FOXJ3: variants seen among roughly 807,000 people sequenced by gnomAD.
FOXJ3 encodes forkhead box J3, also known as forkhead box protein J3.
A neutral mutation model predicts 76.1 loss-of-function variants in FOXJ3; 22 were observed. The observed-to-expected ratio is 0.29, with a 90% confidence interval of 0.21 to 0.41. The LOEUF is 0.41. FOXJ3 is among the 10% of genes least tolerant of loss of function. FOXJ3 has a pLI of 1.00. For synonymous variants in FOXJ3, 269 were observed against 261.2 expected (o/e 1.03, Z -0.29); for missense variants, 613 against 762.1 (o/e 0.80, Z 2.30).
At chr1:42,186,290 G>A (rs932127320) in intron 11 of FOXJ3, among the ~76,000 whole-genome samples, 1 of 152,110 alleles carries the variant, frequency 6.6e-6, no homozygotes, top group African/African-American at 2.4e-5. Flanking sequence ...ATGAAGTGAT[G>A]AATACTTGGA....
chr1:42,291,075 TAGATAGATAGAC>T (rs1263910653), intron 2 of FOXJ3, among the ~76,000 whole-genome samples: 7 of 117,984 alleles, frequency 5.9e-5, no homozygotes, highest in African/African-American at 2.3e-4. Flanking sequence ...GATAGATAGA[TAGATAGATAGAC>T]AGACAGACAG....
intron 2 of FOXJ3, among the ~76,000 whole-genome samples, chr1:42,296,757 T>C (rs1653815660): frequency 6.6e-6 from 1 of 152,248 alleles, no homozygotes; most frequent in Non-Finnish European, 1.5e-5. Flanking sequence ...TCTGAATTTG[T>C]TCCTTTTGCT....
At chr1:42,210,163 T>C (rs1023703902) in intron 5 of FOXJ3, among the ~76,000 whole-genome samples, 1 of 152,106 alleles carries the variant, frequency 6.6e-6, no homozygotes, top group Admixed American at 6.5e-5. Context: ...ATTTTATGCA[T>C]CAGAGGCAGC....
intron 5 of FOXJ3, among the ~76,000 whole-genome samples, chr1:42,227,555 G>C (rs1305730271): frequency 6.6e-6 from 1 of 152,190 alleles, no homozygotes; most frequent in Non-Finnish European, 1.5e-5. Flanking sequence ...CTCTATAATA[G>C]AAGGGAATAG....
intron 8 of FOXJ3, among the ~76,000 whole-genome samples, chr1:42,193,319 T>G (rs1646586068): frequency 1.3e-5 from 2 of 151,714 alleles, no homozygotes; most frequent in Admixed American, 6.6e-5. Context: ...ATGGGGATAC[T>G]GAGGTCCAGA....
intron 4 of FOXJ3, among the ~76,000 whole-genome samples, chr1:42,249,978 G>A (rs916583888): frequency 2.6e-5 from 4 of 152,152 alleles, no homozygotes; most frequent in East Asian, 1.9e-4. Flanking sequence ...TTTAGATACC[G>A]TGTATCATAA....
intron 1 of FOXJ3, among the ~76,000 whole-genome samples, chr1:42,333,382 G>A (rs1179355457): frequency 6.6e-6 from 1 of 151,896 alleles, no homozygotes; most frequent in Non-Finnish European, 1.5e-5. Context: ...ACAAAAAAGA[G>A]CCAAAATAAA....
chr1:42,237,238 G>A (rs1648720828), intron 4 of FOXJ3, among the ~76,000 whole-genome samples: 1 of 151,772 alleles, frequency 6.6e-6, no homozygotes, highest in Non-Finnish European at 1.5e-5. Flanking sequence ...AGCTGGGCAT[G>A]GTGGCAGGCA....
intron 4 of FOXJ3, among the ~76,000 whole-genome samples, chr1:42,228,566 C>CA (rs10640179): frequency 0.52 from 68,205 of 130,116 alleles, 18,164 homozygotes; most frequent in Middle Eastern, 0.62. Flanking sequence ...TGTGACTCTC[C>CA]AAAAAAAAAA....
chr1:42,298,118 C>T (rs1377584384), intron 2 of FOXJ3, among the ~76,000 whole-genome samples: 27 of 152,054 alleles, frequency 1.8e-4, no homozygotes, highest in Admixed American at 1.8e-3. Flanking sequence ...TTACAAGGGG[C>T]TTCCCTCCAC....
At chr1:42,304,786 C>T (rs184572897) in intron 2 of FOXJ3, among the ~76,000 whole-genome samples, 1 of 152,202 alleles carries the variant, frequency 6.6e-6, no homozygotes, top group East Asian at 1.9e-4. Flanking sequence ...TCAAACTAAA[C>T]TACTAAAAGA....
intron 2 of FOXJ3, among the ~76,000 whole-genome samples, chr1:42,305,443 T>C (rs1654399669): frequency 6.6e-6 from 1 of 152,238 alleles, no homozygotes; most frequent in Admixed American, 6.5e-5. Context: ...AAGAGATACC[T>C]GTACTCCCAT....
chr1:42,199,415 T>A (rs1009214800), intron 6 of FOXJ3, among the ~76,000 whole-genome samples, 185 bp from the exon 7 acceptor site: 2 of 152,162 alleles, frequency 1.3e-5, no homozygotes, highest in East Asian at 3.8e-4. Flanking sequence ...ATTTTCTCAA[T>A]ACTCAAACTA....
chr1:42,333,239 C>T (rs1338181687), intron 1 of FOXJ3, among the ~76,000 whole-genome samples: 1 of 151,512 alleles, frequency 6.6e-6, no homozygotes, highest in Non-Finnish European at 1.5e-5. Flanking sequence ...CGAACTGTAC[C>T]AGATAAAAGG....
At chr1:42,210,809 A>C (rs558405914) in intron 5 of FOXJ3, among the ~76,000 whole-genome samples, 21 of 152,084 alleles carry the variant, frequency 1.4e-4, no homozygotes, top group Non-Finnish European at 2.8e-4. Flanking sequence ...CACATCACTG[A>C]ATCCCTTGCA....
intron 5 of FOXJ3, among the ~76,000 whole-genome samples, chr1:42,207,557 T>C (rs1270671273): frequency 6.6e-6 from 1 of 152,234 alleles, no homozygotes; most frequent in African/African-American, 2.4e-5. Context: ...AAGTAATTTA[T>C]GATTATGATG....
intron 6 of FOXJ3, among the ~76,000 whole-genome samples, chr1:42,201,768 TCTC>T (rs1646768818): frequency 6.6e-6 from 1 of 152,196 alleles, no homozygotes; most frequent in Non-Finnish European, 1.5e-5. Flanking sequence ...TTTTTAAAAT[TCTC>T]CTGAAGTGTT....
intron 5 of FOXJ3, among the ~76,000 whole-genome samples, chr1:42,211,763 T>C (rs1250671712): frequency 6.6e-6 from 1 of 152,166 alleles, no homozygotes; most frequent in East Asian, 1.9e-4. Context: ...AACCAGCATC[T>C]GAGAAAGCCA....
intron 3 of FOXJ3, among the ~76,000 whole-genome samples, chr1:42,275,462 G>A (rs896465658): frequency 2.6e-5 from 4 of 152,110 alleles, no homozygotes; most frequent in Non-Finnish European, 1.5e-5. Flanking sequence ...TTGGGAAGCA[G>A]AGGCAGGCAG....
Sources: gnomAD v4.1 joint callset for allele counts (sites outside exome capture counted in the v4.1 genomes callset) on GRCh38, gnomAD v4.1.1 for gene constraint, MANE v1.5 for transcripts, NCBI Gene and HGNC (gene_info 2026-07-23, HGNC 2026-07-21) for gene names.